Variants in COL4A1 observed in about 807,000 individuals in gnomAD.
COL4A1 encodes the protein collagen type IV alpha 1 chain, also known as collagen alpha-1(IV) chain.
COL4A1 carries 40 observed loss-of-function variants against 216.6 expected under a neutral mutation model. That is an observed-to-expected ratio of 0.18 (90% CI 0.14 to 0.24). The LOEUF is 0.24. COL4A1 is among the 10% of genes least tolerant of loss of function. The probability of loss-of-function intolerance (pLI) is 1.00; values close to 1 mark genes in which losing one functional copy is unlikely to be tolerated. For missense variants in COL4A1, 1,628 were observed against 2,196.8 expected (o/e 0.74, Z 5.18); for synonymous variants, 839 against 810.7 (o/e 1.03, Z -0.59).
At chr13:110,279,647 G>C (rs1327914321) in intron 1 of COL4A1, among the ~76,000 whole-genome samples, 1 of 152,184 alleles carries the variant, frequency 6.6e-6, no homozygotes, top group African/African-American at 2.4e-5. Flanking sequence ...AAACCTCCTA[G>C]CATCAGAAAC....
intron 1 of COL4A1, among the ~76,000 whole-genome samples, chr13:110,288,760 G>A (rs9559761): frequency 0.25 from 38,666 of 152,130 alleles, 5,995 homozygotes; most frequent in Admixed American, 0.39. Flanking sequence ...CAGGCCAGGC[G>A]CGGTGGCTCA....
At chr13:110,209,503 A>G (rs981035762) in intron 10 of COL4A1, 76 bp from the exon 11 acceptor site, 3 of 1,023,206 alleles carry the variant, frequency 2.9e-6, no homozygotes, top group Non-Finnish European at 4.5e-6. Context: ...GGCTGACGTT[A>G]TCTTAAGATT....
chr13:110,226,419 C>G (rs890235683), intron 2 of COL4A1, among the ~76,000 whole-genome samples: 1 of 152,154 alleles, frequency 6.6e-6, no homozygotes, highest in African/African-American at 2.4e-5. Context: ...GTCTGAAATC[C>G]CCAGATTACT....
Position 110,205,418 on chromosome 13 carries a change from G to A in COL4A1, c.904-12C>T. 1 of 1,613,706 alleles carries A rather than the reference G, an allele frequency of 6.2e-7. No individual in the cohort carries two copies. The highest frequency in any genetic ancestry group is 1.3e-5 in the African/African-American group (1 of 74,578). On this transcript the variant is annotated splice_polypyrimidine_tract_variant and intron_variant, in intron 16 of 51. Coordinates refer to ENST00000375820, the MANE Select transcript of COL4A1 (RefSeq NM_001845.6). ...TCACCAGGAAAACCCTGAAACCGAA[G>A]AGAGAAGCAGTAACCGTCAGAGGCC...
At chr13:110,259,411 A>AT (rs1455428572) in intron 1 of COL4A1, among the ~76,000 whole-genome samples, 1 of 152,236 alleles carries the variant, frequency 6.6e-6, no homozygotes, top group Non-Finnish European at 1.5e-5. Context: ...CTTAAAAAAA[A>AT]TTTTTAAGCG....
At position 110,174,540 on chromosome 13, in the gene COL4A1, C is replaced by CAA; in HGVS notation, c.3326-16_3326-15dup. 4 of 1,613,734 alleles carry CAA rather than the reference C, an allele frequency of 2.5e-6. No homozygotes were observed. The highest frequency in any genetic ancestry group is 2.5e-6 in the Non-Finnish European group (3 of 1,179,676). Reference sequence around the variant, plus strand: ...GCCCAGGACTTCCTAAAGAAAAAAACAAAACACCAGAACATCCATAAGTTT... The same window carrying CAA: ...GCCCAGGACTTCCTAAAGAAAAAAACAAAAAACACCAGAACATCCATAAGTTT... On this transcript the variant is annotated splice_polypyrimidine_tract_variant and intron_variant, in intron 38 of 51. Transcript: ENST00000375820.
Position 110,204,562 on chromosome 13 carries a change from A to G in COL4A1, c.957+791T>C, listed in dbSNP as rs545986786. ...ATCTCTTATATTAGTAAAGACTTACATTACCTAGTCTCATATTAAGAGAGA... is the reference window on the plus strand; with the variant it reads ...ATCTCTTATATTAGTAAAGACTTACGTTACCTAGTCTCATATTAAGAGAGA... On this transcript the variant is annotated intron_variant, in intron 17 of 51. Coordinates refer to ENST00000375820, the MANE Select transcript of COL4A1 (RefSeq NM_001845.6). Among the ~76,000 whole-genome samples the G allele has an allele frequency of 7.3e-5, 11 of 151,330 alleles. No homozygotes were observed. The East Asian group carries it at 2.1e-3, about 29-fold the overall frequency.
intron 2 of COL4A1, among the ~76,000 whole-genome samples, chr13:110,232,085 C>T (rs1297841138): frequency 2.6e-5 from 4 of 152,236 alleles, no homozygotes; most frequent in Non-Finnish European, 5.9e-5. Context: ...AGCCAGGAAT[C>T]ACTGTTAGCT....
chr13:110,253,364 C>T (rs59283187), intron 1 of COL4A1, among the ~76,000 whole-genome samples: 12,556 of 53,570 alleles, frequency 0.23, 2,654 homozygotes, highest in South Asian at 0.32. Context: ...ATATGTATTA[C>T]ATATACATAT....
chr13:110,301,494 C>T (rs1216534154), intron 1 of COL4A1, among the ~76,000 whole-genome samples: 2 of 152,210 alleles, frequency 1.3e-5, no homozygotes, highest in Non-Finnish European at 2.9e-5. Flanking sequence ...ATGGCGACTA[C>T]CCTCACTGTA....
At chr13:110,257,450 T>G (rs1475411984) in intron 1 of COL4A1, among the ~76,000 whole-genome samples, 1 of 152,264 alleles carries the variant, frequency 6.6e-6, no homozygotes, top group Non-Finnish European at 1.5e-5. Context: ...CCGTAAGTGC[T>G]ACTTCCAAAG....
chr13:110,233,044 G>A (rs547424824), intron 2 of COL4A1, among the ~76,000 whole-genome samples: 1 of 152,300 alleles, frequency 6.6e-6, no homozygotes, highest in African/African-American at 2.4e-5. Context: ...GGGAGCCAGC[G>A]ACGGGTGGGC....
intron 1 of COL4A1, among the ~76,000 whole-genome samples, chr13:110,292,255 G>A (rs1490179973): frequency 6.6e-6 from 1 of 152,146 alleles, no homozygotes; most frequent in Non-Finnish European, 1.5e-5. Flanking sequence ...AGCAGTCTGT[G>A]GCATACATCT....
chr13:110,277,056 A>G (rs1883458134), intron 1 of COL4A1, among the ~76,000 whole-genome samples: 1 of 152,176 alleles, frequency 6.6e-6, no homozygotes, highest in South Asian at 2.1e-4. Context: ...ACCTCAGTAG[A>G]CATCTGGGTT....
chr13:110,183,363 G>A (rs779805762), intron 26 of COL4A1, 87 bp from the exon 27 acceptor site: 32 of 1,250,730 alleles, frequency 2.6e-5, no homozygotes, highest in East Asian at 1.2e-4. Context: ...TGGGCTGCAC[G>A]CCACATCCTA....
At chr13:110,282,342 C>T (rs1375581504) in intron 1 of COL4A1, among the ~76,000 whole-genome samples, 2 of 152,150 alleles carry the variant, frequency 1.3e-5, no homozygotes. Flanking sequence ...ACTGGCACAT[C>T]AAGGGAAGCT....
chr13:110,155,068 G>A (rs528752443), intron 50 of COL4A1, among the ~76,000 whole-genome samples: 92 of 152,338 alleles, frequency 6.0e-4, no homozygotes, highest in African/African-American at 2.0e-3. Flanking sequence ...TGTGAGCAGG[G>A]GAGGGTTCTG....
chr13:110,156,488 C>G (rs1289202170), intron 49 of COL4A1, among the ~76,000 whole-genome samples: 1 of 152,140 alleles, frequency 6.6e-6, no homozygotes, highest in Non-Finnish European at 1.5e-5. Flanking sequence ...GTCCAAGGTC[C>G]AAGGCTGTCA....
chr13:110,162,383 G>T lies in COL4A1; in HGVS notation c.4309C>A (p.Pro1437Thr). The change falls in exon 48 of 52, where the codon CCA becomes ACA. Residue 1437 changes from proline to threonine, a missense_variant. Transcript: ENST00000375820. ...PDGLPGSMGP[P>T]GTPSVDHGFL... ...CCGTGATCAACAGATGGGGTGCCTGGGGGCCCCATGGATCCTGGCAACCCA... is the reference window on the plus strand; with the variant it reads ...CCGTGATCAACAGATGGGGTGCCTGTGGGCCCCATGGATCCTGGCAACCCA... 5.0e-6 allele frequency: 8 copies of T among 1,614,222 alleles called. No individual in the cohort carries two copies. Among genetic ancestry groups the T allele is most frequent in the East Asian group, 2.2e-5 (1 of 44,894 alleles).
Sources: allele counts gnomAD v4.1 joint callset (sites outside exome capture counted in the v4.1 genomes callset), GRCh38; gene constraint gnomAD v4.1.1; transcripts MANE v1.5; gene names NCBI Gene and HGNC (gene_info 2026-07-23, HGNC 2026-07-21).